Variants in NRG3 observed in about 807,000 individuals in gnomAD.
NRG3 encodes pro-neuregulin-3, membrane-bound isoform.
Under a neutral mutation model 66.9 loss-of-function variants are expected in NRG3, and 31 were observed. That is an observed-to-expected ratio of 0.46 (90% confidence interval 0.35 to 0.63). The LOEUF (loss-of-function observed/expected upper bound fraction) is 0.63, where lower values mean the gene tolerates loss of function less well. Ranked by LOEUF, NRG3 falls within the 20% of genes least tolerant of loss-of-function variation. NRG3 has a pLI of 0.00. For missense variants in NRG3, 910 were observed against 878.9 expected (o/e 1.04, Z -0.45); for synonymous variants, 393 against 359.4 (o/e 1.09, Z -1.06).
intron 1 of NRG3, among the ~76,000 whole-genome samples, chr10:82,235,339 C>T (rs1438730358): frequency 6.6e-6 from 1 of 152,212 alleles, no homozygotes; most frequent in Non-Finnish European, 1.5e-5. Flanking sequence ...TTGCCAATGT[C>T]TGGACTAGAG....
At chr10:82,731,144 A>C (rs1591342741) in intron 2 of NRG3, among the ~76,000 whole-genome samples, 1 of 152,080 alleles carries the variant, frequency 6.6e-6, no homozygotes, top group African/African-American at 2.4e-5. Flanking sequence ...AGGCAGGCGG[A>C]TAACTTGAGG....
At chr10:82,232,719 A>G in intron 1 of NRG3, 1 of 717,044 alleles carries the variant, frequency 1.4e-6, no homozygotes. Context: ...GACTCGAGAA[A>G]ATAAAGTATT....
chr10:82,946,983 G>T (rs1849090806), intron 4 of NRG3, among the ~76,000 whole-genome samples: 1 of 152,058 alleles, frequency 6.6e-6, no homozygotes, highest in Non-Finnish European at 1.5e-5. Context: ...TAAGCCACCT[G>T]TTTATAATGT....
chr10:82,510,532 A>G (rs528706642), intron 2 of NRG3, among the ~76,000 whole-genome samples: 1 of 152,314 alleles, frequency 6.6e-6, no homozygotes, highest in African/African-American at 2.4e-5. Context: ...AGACTTTCCC[A>G]TAGGGATTAT....
In NRG3 at chr10:81,992,281, G is replaced by A. The variant is rs185732784; in HGVS notation, c.823+116118G>A. On this transcript the variant is annotated intron_variant, in intron 1 of 8. Coordinates refer to ENST00000372141, the MANE Select transcript of NRG3 (RefSeq NM_001010848.4). ...GGAAAGAATGTTGGTTTATAATTTAGAAACAACATTTTTTAGAGATATTTG... is the reference window on the plus strand; with the variant it reads ...GGAAAGAATGTTGGTTTATAATTTAAAAACAACATTTTTTAGAGATATTTG... Among the ~76,000 whole-genome samples the A allele has an allele frequency of 3.9e-3, 588 of 152,122 alleles. 3 individuals are homozygous for A. The highest frequency in any genetic ancestry group is 4.0e-3 in the Admixed American group (61 of 15,260).
chr10:82,632,825 C>T (rs1259384100), intron 2 of NRG3, among the ~76,000 whole-genome samples: 2 of 152,084 alleles, frequency 1.3e-5, no homozygotes, highest in Non-Finnish European at 1.5e-5. Flanking sequence ...TCATTTAATA[C>T]CCCATTAACT....
chr10:82,092,185 T>C (rs1441600415), intron 1 of NRG3, among the ~76,000 whole-genome samples: 1 of 152,170 alleles, frequency 6.6e-6, no homozygotes, highest in Non-Finnish European at 1.5e-5. Context: ...CTTAAAGACA[T>C]GGCATCTCAG....
chr10:82,340,342 C>G (rs1209824549), intron 1 of NRG3, among the ~76,000 whole-genome samples: 1 of 152,206 alleles, frequency 6.6e-6, no homozygotes, highest in Non-Finnish European at 1.5e-5. Flanking sequence ...TCCACGAACT[C>G]TCCTAGAATA....
At chr10:82,258,677 AGT>A (rs1265032688) in intron 1 of NRG3, among the ~76,000 whole-genome samples, 1 of 152,212 alleles carries the variant, frequency 6.6e-6, no homozygotes, top group Non-Finnish European at 1.5e-5. Context: ...TCAAACAGGC[AGT>A]GTGTTAAGGA....
chr10:82,189,502 A>C (rs2074006385), intron 1 of NRG3, among the ~76,000 whole-genome samples: 1 of 151,982 alleles, frequency 6.6e-6, no homozygotes, highest in African/African-American at 2.4e-5. Context: ...CTAAACATAA[A>C]AAAATTGGGC....
At chr10:82,396,605 C>T (rs2086730302) in intron 2 of NRG3, among the ~76,000 whole-genome samples, 1 of 152,160 alleles carries the variant, frequency 6.6e-6, no homozygotes, top group Non-Finnish European at 1.5e-5. Flanking sequence ...TGTGATTGGT[C>T]ATTGGTCATG....
chr10:82,203,835 C>T (rs893390079), intron 1 of NRG3, among the ~76,000 whole-genome samples: 12 of 152,120 alleles, frequency 7.9e-5, no homozygotes, highest in Admixed American at 1.3e-4. Context: ...GAACATCCAT[C>T]TGCCAACAGA....
intron 1 of NRG3, among the ~76,000 whole-genome samples, chr10:82,096,874 A>G (rs184280071): frequency 3.4e-3 from 519 of 152,312 alleles, no homozygotes; most frequent in Middle Eastern, 6.8e-3. Context: ...TTAAAATATA[A>G]TAGAATAAGC....
intron 3 of NRG3, among the ~76,000 whole-genome samples, chr10:82,811,070 T>C (rs1345532695): frequency 6.6e-6 from 1 of 152,196 alleles, no homozygotes; most frequent in Non-Finnish European, 1.5e-5. Flanking sequence ...ATTCACTTTT[T>C]CACTGGGGGC....
intron 1 of NRG3, chr10:82,224,396 AT>A (rs2076078042): frequency 6.6e-6 from 1 of 152,198 alleles, no homozygotes; most frequent in Non-Finnish European, 1.5e-5. Flanking sequence ...CATTTTATGA[AT>A]AAAAAAGCAC....
chr10:82,163,251 C>T (rs2071746821), intron 1 of NRG3, among the ~76,000 whole-genome samples: 1 of 152,144 alleles, frequency 6.6e-6, no homozygotes, highest in Non-Finnish European at 1.5e-5. Flanking sequence ...AAAGTGCCCA[C>T]AACTGAAGGA....
In NRG3 at chr10:82,985,877, G is replaced by T; in HGVS notation, c.*272G>T. On this transcript the variant is annotated 3_prime_UTR_variant, in exon 9 of 9. Transcript: ENST00000372141. ...ACACTGTCCTCTTTGGCTCTTAGAA[G>T]ATGTGGGCAATTCAGACCCTTGGCC... The T allele has an allele frequency of 3.1e-6, 1 of 325,358 alleles. No individual in the cohort carries two copies. Among genetic ancestry groups the T allele is most frequent in the Non-Finnish European group, 5.6e-6 (1 of 178,208 alleles). The allele number at this position is 325,358 out of a possible 1,614,324, so 20.2% of individuals were successfully genotyped here.
At chr10:82,716,849 T>C (rs1471647516) in intron 2 of NRG3, among the ~76,000 whole-genome samples, 1 of 152,202 alleles carries the variant, frequency 6.6e-6, no homozygotes, top group Non-Finnish European at 1.5e-5. Flanking sequence ...GTCTCCAAAA[T>C]AAATTATCCT....
At chr10:82,711,535 TTGTGTG>T (rs10603040) in intron 2 of NRG3, among the ~76,000 whole-genome samples, 38,475 of 148,206 alleles carry the variant, frequency 0.26, 5,168 homozygotes, top group Middle Eastern at 0.36. Flanking sequence ...ATCTGTGTGT[TTGTGTG>T]TGTGTGTGTG....
Sources: gnomAD v4.1 joint callset for allele counts (sites outside exome capture counted in the v4.1 genomes callset) on GRCh38, gnomAD v4.1.1 for gene constraint, MANE v1.5 for transcripts, NCBI Gene and HGNC (gene_info 2026-07-23, HGNC 2026-07-21) for gene names.